The following CFHR3 variants were observed in gnomAD, a reference collection of about 807,000 sequenced individuals.
CFHR3 encodes the protein complement factor H related 3.
In CFHR3, 22 loss-of-function variants were observed where a neutral mutation model predicts 36.0. The ratio of observed to expected loss-of-function variants is 0.61; its 90% CI spans 0.44 to 0.87. The LOEUF (loss-of-function observed/expected upper bound fraction) is 0.87. Ranked by LOEUF, CFHR3 falls within the 40% of genes least tolerant of loss-of-function variation. The pLI, the probability that CFHR3 is intolerant of heterozygous loss-of-function variation, is 0.00. For missense variants in CFHR3, 276 were observed against 401.3 expected, an observed-to-expected ratio of 0.69 and a Z score of 2.67; for synonymous variants, 97 against 137.4, an observed-to-expected ratio of 0.71 and a Z score of 2.06.
chr1:196,780,343 C>T (rs1653895482), intron 3 of CFHR3, among the ~76,000 whole-genome samples: 1 of 137,254 alleles, frequency 7.3e-6, no homozygotes, highest in Non-Finnish European at 1.5e-5. Context: ...ACATATTCTA[C>T]TCTAGAAGGT....
In CFHR3 at chr1:196,792,539, A is replaced by T. The variant is rs182957917; in HGVS notation, c.797-778A>T. Reference sequence around the variant, plus strand: ...ATGTACCCTGGAACTTAAAAAAAAAATTATAAATTTTTTTACAAAAGAATT... The same window carrying T: ...ATGTACCCTGGAACTTAAAAAAAAATTTATAAATTTTTTTACAAAAGAATT... On this transcript the variant is annotated intron_variant, in intron 5 of 5. Coordinates refer to ENST00000367425, the MANE Select transcript of CFHR3 (RefSeq NM_021023.6). 9.7e-4 allele frequency among the ~76,000 whole-genome samples: 121 copies of T among 125,270 alleles called. 16 individuals are homozygous for T. In the East Asian group the frequency reaches 0.022, roughly 23 times the overall value. 82.2% of individuals were successfully genotyped at this position (125,270 alleles called of 152,430 possible).
chr1:196,778,769 G>C (rs1278417872), intron 1 of CFHR3, among the ~76,000 whole-genome samples: 1 of 136,324 alleles, frequency 7.3e-6, no homozygotes, highest in Non-Finnish European at 1.6e-5. Flanking sequence ...TTGGTAATGT[G>C]TGCACCCTGA....
Position 196,779,171 on chromosome 1 carries a change from G to A in CFHR3, c.68G>A (p.Cys23Tyr). The stretch of plus-strand genomic sequence containing the variant: ...TGTTTTTTATTGCAAGTGAAACCTT[G>A]TGATTTTCCAGACATTAAACATGGA... Reference protein sequence around the residue: ...VSCANGQVKPCDFPDIKHGGL... With the variant: ...VSCANGQVKPYDFPDIKHGGL... The change falls in exon 2 of 6, where the codon TGT becomes TAT. Residue 23 changes from cysteine (C) to tyrosine (Y), a missense_variant. Transcript: ENST00000367425. 1 of 1,523,916 alleles carries A rather than the reference G, an allele frequency of 6.6e-7. No homozygotes were observed. The highest frequency in any genetic ancestry group is 8.9e-7 in the Non-Finnish European group (1 of 1,125,282). 94.4% of individuals were successfully genotyped at this position (1,523,916 alleles called of 1,614,324 possible).
chr1:196,793,574 G>T lies in CFHR3; in HGVS notation c.*61G>T. ...CACTTTTCCACTTCTCACTCTTATG[G>T]TCTCAAAGCTTGCAAAGATAGCTTC... On this transcript the variant is annotated 3_prime_UTR_variant, in exon 6 of 6. Transcript: ENST00000367425. 2.2e-6 allele frequency: 3 copies of T among 1,395,240 alleles called. No individual in the cohort carries two copies. In the East Asian group the frequency reaches 6.9e-5, roughly 32 times the overall value. The allele number at this position is 1,395,240 out of a possible 1,614,324, so 86.4% of individuals were successfully genotyped here. A position where few individuals can be genotyped will look rare whatever the true frequency, so the allele number is the denominator to read the frequency against.
intron 4 of CFHR3, 78 bp downstream of exon 4, chr1:196,788,476 A>G: frequency 1.3e-6 from 2 of 1,493,668 alleles, no homozygotes; most frequent in East Asian, 4.5e-5. Flanking sequence ...TTACTTAAAA[A>G]TATAGAAAAC....
chr1:196,776,530 C>G (rs1573104177), intron 1 of CFHR3, among the ~76,000 whole-genome samples: 1 of 136,400 alleles, frequency 7.3e-6, no homozygotes, highest in Non-Finnish European at 1.6e-5. Context: ...CAGGTGGGTC[C>G]TACTCCAATA....
intron 1 of CFHR3, among the ~76,000 whole-genome samples, chr1:196,776,241 G>T (rs1489793752): frequency 7.4e-5 from 10 of 135,160 alleles, no homozygotes; most frequent in Admixed American, 5.1e-4. Context: ...ATATTCCAGT[G>T]GAAAACTTGC....
intron 3 of CFHR3, among the ~76,000 whole-genome samples, chr1:196,780,391 C>G (rs1653899218): frequency 7.3e-6 from 1 of 137,398 alleles, no homozygotes; most frequent in Non-Finnish European, 1.5e-5. Flanking sequence ...TTTATATAAA[C>G]AGTTCCTTCT....
intron 3 of CFHR3, among the ~76,000 whole-genome samples, chr1:196,780,510 C>T (rs1372598585): frequency 7.3e-6 from 1 of 136,378 alleles, no homozygotes; most frequent in African/African-American, 3.1e-5. Context: ...CTTTTACTAC[C>T]AGCTGGATTT....
intron 1 of CFHR3, among the ~76,000 whole-genome samples, chr1:196,778,889 G>C (rs1653835633): frequency 7.3e-6 from 1 of 136,856 alleles, no homozygotes; most frequent in Non-Finnish European, 1.6e-5. Context: ...AGTAGAAGTA[G>C]AGAAAGTAGA....
chr1:196,779,799 A>T lies in CFHR3; in HGVS notation c.256A>T (p.Lys86Ter), dbSNP rs554318034. The stretch of plus-strand genomic sequence containing the variant: ...ATTTATCATTGCTATGTCCTTAGGA[A>T]AATGTTATTTTCCTTATTTGGAAAA... ...GWSPAVPCLRKCYFPYLENGY... is the reference protein window; with the variant it reads ...GWSPAVPCLR The change falls in exon 3 of 6, where the codon AAA (lysine) becomes TAA (stop). Residue 86 changes from lysine (K) to a stop codon, truncating the protein, a stop_gained and splice_region_variant. Coordinates refer to ENST00000367425, the MANE Select transcript of CFHR3 (RefSeq NM_021023.6). LOFTEE classifies it high-confidence loss of function. 214 of 1,520,046 alleles carry T rather than the reference A, an allele frequency of 1.4e-4. 35 individuals carry two copies. Among genetic ancestry groups the T allele is most frequent in the Middle Eastern group, 3.7e-4 (2 of 5,334 alleles). 94.2% of individuals were successfully genotyped at this position (1,520,046 alleles called of 1,614,324 possible). A position where few individuals can be genotyped will look rare whatever the true frequency, so the allele number is the denominator to read the frequency against.
intron 5 of CFHR3, among the ~76,000 whole-genome samples, chr1:196,790,526 A>G (rs1654384053): frequency 7.4e-6 from 1 of 135,490 alleles, no homozygotes; most frequent in African/African-American, 3.1e-5. Context: ...GGAGTTCGAG[A>G]TCAGCCTGAC....
intron 1 of CFHR3, among the ~76,000 whole-genome samples, chr1:196,777,845 G>C (rs187208669): frequency 7.6e-6 from 1 of 132,240 alleles, no homozygotes; most frequent in East Asian, 2.0e-4. Flanking sequence ...AAAATTAGCC[G>C]GAGTGGCGGC....
rs749347442 is a variant in CFHR3 at position 196,788,399 on chromosome 1, G to A, written c.613+1G>A. On this transcript the variant is annotated splice_donor_variant, in intron 4 of 5. Coordinates refer to ENST00000367425, the MANE Select transcript of CFHR3 (RefSeq NM_021023.6). LOFTEE classifies it high-confidence loss of function. ...TGGTCAGCACAACCAATTTGCATTA[G>A]TAAGTGATTTACATATTCCCATTCA... 2.6e-6 allele frequency: 4 copies of A among 1,528,052 alleles called. 1 individual carries two copies. The African/African-American group carries it at 6.6e-5, about 25-fold the overall frequency. The allele number at this position is 1,528,052 out of a possible 1,614,324, so 94.7% of individuals were successfully genotyped here. A position where few individuals can be genotyped will look rare whatever the true frequency, so the allele number is the denominator to read the frequency against.
At chr1:196,776,857 CA>C (rs1452755622) in intron 1 of CFHR3, among the ~76,000 whole-genome samples, 3 of 132,560 alleles carry the variant, frequency 2.3e-5, no homozygotes, top group Non-Finnish European at 4.7e-5. Flanking sequence ...ATATACCCAC[CA>C]ACACAGATTT....
rs1464564658 is a variant in CFHR3 at position 196,795,155 on chromosome 1, A to C, written c.*1642A>C. ...AATTTTCACCTTGAATTATATAATC[A>C]CCATGCATCAAAGGTAGGGCCAGGT... On this transcript the variant is annotated 3_prime_UTR_variant, in exon 6 of 6. Coordinates refer to ENST00000367425, the MANE Select transcript of CFHR3 (RefSeq NM_021023.6). 2.2e-5 allele frequency: 3 copies of C among 137,310 alleles called. No homozygotes were observed. The highest frequency in any genetic ancestry group is 2.5e-4 in the South Asian group (1 of 3,952). The allele number at this position is 137,310 out of a possible 1,614,324, so 8.5% of individuals were successfully genotyped here.
chr1:196,776,307 G>A (rs148233636), intron 1 of CFHR3, among the ~76,000 whole-genome samples: 1 of 136,260 alleles, frequency 7.3e-6, no homozygotes, highest in Non-Finnish European at 1.6e-5. Context: ...TTGTAAATTT[G>A]GGTTGCACCT....
In CFHR3 at chr1:196,793,528, C is replaced by T; in HGVS notation, c.*15C>T. ...GATGCGAATAAGGCAGCATTGTTAC[C>T]CTAAATGTATGTCCAACTTCCACTT... On this transcript the variant is annotated 3_prime_UTR_variant, in exon 6 of 6. Coordinates refer to ENST00000367425, the MANE Select transcript of CFHR3 (RefSeq NM_021023.6). 1 of 1,514,366 alleles carries T rather than the reference C, an allele frequency of 6.6e-7. No homozygotes were observed. The highest frequency in any genetic ancestry group is 8.9e-7 in the Non-Finnish European group (1 of 1,119,428). 93.8% of individuals were successfully genotyped at this position (1,514,366 alleles called of 1,614,324 possible).
chr1:196,779,440 T>A, intron 2 of CFHR3, 84 bp downstream of exon 2: 1 of 1,104,190 alleles, frequency 9.1e-7, no homozygotes, highest in East Asian at 2.3e-5. Flanking sequence ...TACTCTTGTC[T>A]TATGTAACAG....
Sources: allele counts gnomAD v4.1 joint callset (sites outside exome capture counted in the v4.1 genomes callset), GRCh38; gene constraint gnomAD v4.1.1; transcripts MANE v1.5; gene names NCBI Gene and HGNC (gene_info 2026-07-23, HGNC 2026-07-21).